PTPN13: variants seen among roughly 807,000 people sequenced by gnomAD.
PTPN13 encodes the protein protein tyrosine phosphatase non-receptor type 13.
A neutral mutation model predicts 284.0 loss-of-function variants in PTPN13; 191 were observed. The observed-to-expected ratio is 0.67, with a 90% confidence interval of 0.60 to 0.76. The LOEUF is 0.76. PTPN13 is among the 30% of genes least tolerant of loss of function. The pLI is 0.00. For synonymous variants in PTPN13, 986 were observed against 1,022.3 expected, an observed-to-expected ratio of 0.96 and a Z score of 0.68; for missense variants, 2,797 against 2,939.9, an observed-to-expected ratio of 0.95 and a Z score of 1.12.
At chr4:86,627,172 CAG>C (rs1578280805) in intron 1 of PTPN13, among the ~76,000 whole-genome samples, 2 of 151,904 alleles carry the variant, frequency 1.3e-5, no homozygotes, top group Middle Eastern at 3.2e-3. Flanking sequence ...ATCATAGAAA[CAG>C]AAAGTACAAA....
chr4:86,630,944 C>T (rs1722402733), intron 1 of PTPN13, among the ~76,000 whole-genome samples: 1 of 152,186 alleles, frequency 6.6e-6, no homozygotes, highest in Admixed American at 6.5e-5. Context: ...GTTTTAAGGT[C>T]ATGTCAGTAA....
intron 2 of PTPN13, among the ~76,000 whole-genome samples, chr4:86,663,365 T>G (rs1726729995): frequency 6.6e-6 from 1 of 152,222 alleles, no homozygotes; most frequent in Non-Finnish European, 1.5e-5. Context: ...AGAGTATAAT[T>G]GGATAACAAA....
chr4:86,803,930 G>A, intron 43 of PTPN13, 73 bp downstream of exon 43: 1 of 1,495,886 alleles, frequency 6.7e-7, no homozygotes. Flanking sequence ...TATCTTTACT[G>A]GCCCAAGATT....
intron 6 of PTPN13, among the ~76,000 whole-genome samples, chr4:86,698,443 C>A (rs1157919753): frequency 6.6e-6 from 1 of 152,078 alleles, no homozygotes; most frequent in Non-Finnish European, 1.5e-5. Flanking sequence ...CTAAGCATAT[C>A]AATTGGGAGT....
At chr4:86,643,617 T>C (rs1027825229) in intron 2 of PTPN13, among the ~76,000 whole-genome samples, 2 of 152,110 alleles carry the variant, frequency 1.3e-5, no homozygotes, top group African/African-American at 4.8e-5. Context: ...TTCAGGAAAA[T>C]TATCTTGCTA....
chr4:86,783,499 C>G (rs757129307), intron 37 of PTPN13, among the ~76,000 whole-genome samples: 2 of 152,110 alleles, frequency 1.3e-5, no homozygotes, highest in Admixed American at 6.5e-5. Context: ...TTTTGCTGTT[C>G]ATGGCTGCCA....
At chr4:86,677,196 G>A (rs1728372198) in intron 3 of PTPN13, among the ~76,000 whole-genome samples, 1 of 152,002 alleles carries the variant, frequency 6.6e-6, no homozygotes, top group African/African-American at 2.4e-5. Context: ...GAACCTGGGA[G>A]GCAGAGCTTG....
At chr4:86,710,924 T>G (rs914780095) in intron 7 of PTPN13, among the ~76,000 whole-genome samples, 1 of 151,868 alleles carries the variant, frequency 6.6e-6, no homozygotes, top group African/African-American at 2.4e-5. Context: ...CTTAATTCTT[T>G]GTTTTTTGGT....
At chr4:86,704,861 A>G (rs1027855635) in intron 7 of PTPN13, among the ~76,000 whole-genome samples, 14 of 152,360 alleles carry the variant, frequency 9.2e-5, no homozygotes, top group African/African-American at 2.9e-4. Flanking sequence ...ACACTACCTT[A>G]AACCTCCATT....
At chr4:86,612,404 C>T (rs1344853493) in intron 1 of PTPN13, among the ~76,000 whole-genome samples, 1 of 152,130 alleles carries the variant, frequency 6.6e-6, no homozygotes, top group East Asian at 1.9e-4. Context: ...CCTCTAAAGA[C>T]TCAAAAATGA....
At chr4:86,730,095 T>C (rs550713756) in intron 10 of PTPN13, among the ~76,000 whole-genome samples, 1 of 149,902 alleles carries the variant, frequency 6.7e-6, no homozygotes, top group South Asian at 2.1e-4. Context: ...CAGCTGCAGG[T>C]CTGTTGGAGT....
intron 15 of PTPN13, among the ~76,000 whole-genome samples, chr4:86,736,684 T>C (rs1485060873): frequency 6.6e-6 from 1 of 152,204 alleles, no homozygotes; most frequent in Non-Finnish European, 1.5e-5. Flanking sequence ...TTAATAAAGG[T>C]AGAAGGCAGA....
At chr4:86,659,792 G>T (rs1055416481) in intron 2 of PTPN13, among the ~76,000 whole-genome samples, 1 of 151,726 alleles carries the variant, frequency 6.6e-6, no homozygotes, top group African/African-American at 2.4e-5. Context: ...CTCCAGCCTG[G>T]GTGACAGAGT....
At chr4:86,728,321 T>C (rs1301388440) in intron 10 of PTPN13, among the ~76,000 whole-genome samples, 1 of 149,432 alleles carries the variant, frequency 6.7e-6, no homozygotes, top group African/African-American at 2.4e-5. Context: ...TCTGGATATG[T>C]CTATTAGGTC....
intron 15 of PTPN13, 38 bp from the exon 16 acceptor site, chr4:86,741,596 C>T: frequency 6.4e-7 from 1 of 1,557,744 alleles, no homozygotes. Flanking sequence ...TCACCATTTA[C>T]CAAAGTGTAT....
intron 7 of PTPN13, among the ~76,000 whole-genome samples, chr4:86,705,579 AAAG>A (rs1317151220): frequency 6.6e-6 from 1 of 152,164 alleles, no homozygotes; most frequent in Non-Finnish European, 1.5e-5. Flanking sequence ...AAAGTTTTAA[AAAG>A]AAATGTTTTG....
intron 30 of PTPN13, among the ~76,000 whole-genome samples, chr4:86,770,793 T>C (rs1251090810): frequency 6.6e-6 from 1 of 152,062 alleles, no homozygotes; most frequent in Non-Finnish European, 1.5e-5. Context: ...CTATTAATAA[T>C]GAAAAGGTAG....
At chr4:86,813,077 G>T (rs570918674) in intron 47 of PTPN13, among the ~76,000 whole-genome samples, 33 of 152,016 alleles carry the variant, frequency 2.2e-4, no homozygotes, top group Non-Finnish European at 4.6e-4. Context: ...ATACAGATAA[G>T]CAAAAAAGAA....
At chr4:86,794,336 A>G (rs1743059429) in intron 40 of PTPN13, among the ~76,000 whole-genome samples, 1 of 152,172 alleles carries the variant, frequency 6.6e-6, no homozygotes, top group Non-Finnish European at 1.5e-5. Context: ...AATCCAACTT[A>G]CGAGGGATGT....
Sources: allele counts gnomAD v4.1 joint callset (sites outside exome capture counted in the v4.1 genomes callset), GRCh38; gene constraint gnomAD v4.1.1; transcripts MANE v1.5; gene names NCBI Gene and HGNC (gene_info 2026-07-23, HGNC 2026-07-21).